The following CUEDC1 variants were observed in gnomAD, a reference collection of about 807,000 sequenced individuals.
CUEDC1 encodes CUE domain containing 1.
A neutral mutation model predicts 43.7 loss-of-function variants in CUEDC1; 30 were observed. The observed-to-expected ratio is 0.69, with a 90% CI of 0.51 to 0.93. CUEDC1 has a LOEUF of 0.93. Ranked by LOEUF, CUEDC1 falls within the 40% of genes least tolerant of loss-of-function variation. The pLI is 0.00. For synonymous variants in CUEDC1, 223 were observed against 223.6 expected, an observed-to-expected ratio of 1.00 and a Z score of 0.02; for missense variants, 486 against 549.0, an observed-to-expected ratio of 0.89 and a Z score of 1.15.
chr17:57,874,085 TG>T (rs1240126215), intron 3 of CUEDC1, among the ~76,000 whole-genome samples: 5 of 152,328 alleles, frequency 3.3e-5, no homozygotes, highest in African/African-American at 9.6e-5. Context: ...ACCTACACAG[TG>T]CCAGGCTCAT....
chr17:57,885,254 T>G lies in CUEDC1; in HGVS notation c.311A>C (p.Asp104Ala), dbSNP rs920412986. ...SSGGVYEDSSDSEDSIPPEIL... is the reference protein window; with the variant it reads ...SSGGVYEDSSASEDSIPPEIL... ...CTCCGGGGGGATGCTGTCCTCCGAGTCGGAGCTGTCCTCATAGACGCCGCC... is the reference window on the plus strand; with the variant it reads ...CTCCGGGGGGATGCTGTCCTCCGAGGCGGAGCTGTCCTCATAGACGCCGCC... Residue 104 changes from aspartate to alanine, a missense_variant, in exon 2 of 11, where the codon GAC (aspartate) becomes GCC (alanine). Coordinates refer to ENST00000577830, the MANE Select transcript of CUEDC1 (RefSeq NM_001271875.2). 6.3e-7 allele frequency: 1 copy of G among 1,589,674 alleles called. No homozygotes were observed. The highest frequency in any genetic ancestry group is 1.3e-5 in the African/African-American group (1 of 74,142).
At chr17:57,905,049 C>A (rs575128416) in intron 1 of CUEDC1, among the ~76,000 whole-genome samples, 3 of 152,256 alleles carry the variant, frequency 2.0e-5, no homozygotes, top group Admixed American at 6.5e-5. Context: ...CTGCCCGGGG[C>A]TCTGCAGAAA....
intron 1 of CUEDC1, among the ~76,000 whole-genome samples, chr17:57,896,772 T>TC (rs1207266535): frequency 7.1e-6 from 1 of 139,954 alleles, no homozygotes; most frequent in Non-Finnish European, 1.6e-5. Context: ...TCTTTCTTTT[T>TC]TTTTTTTTTT....
At chr17:57,867,476 G>A (rs1219321846) in intron 8 of CUEDC1, 61 bp from the exon 9 acceptor site, 1 of 1,438,666 alleles carries the variant, frequency 7.0e-7, no homozygotes, top group Non-Finnish European at 9.6e-7. Context: ...AGTCCTCCCA[G>A]TCCCACTGAC....
chr17:57,867,791 C>T (rs991706869), intron 8 of CUEDC1, among the ~76,000 whole-genome samples: 1 of 152,312 alleles, frequency 6.6e-6, no homozygotes, highest in African/African-American at 2.4e-5. Flanking sequence ...GAGGAGGACT[C>T]GTGCACCAGT....
Position 57,930,243 on chromosome 17 carries a change from T to G in CUEDC1, c.-316+24982A>C, listed in dbSNP as rs1237835551. Among the ~76,000 whole-genome samples the G allele has an allele frequency of 6.6e-6, 1 of 152,188 alleles. No individual in the cohort carries two copies. The highest frequency in any genetic ancestry group is 1.5e-5 in the Non-Finnish European group (1 of 68,036). ...CGCTGCTGGTCTAGGGACCTGACTT[T>G]GGGTAGCAAGTCTCCAACTGCACAA... On this transcript the variant is annotated intron_variant, in intron 1 of 10. Transcript: ENST00000577830. This position sits in a 1 kb window ranked among gnomAD's most constrained non-coding sequence, Gnocchi z 4.2.
At chr17:57,865,923 A>G (rs1383237623) in intron 10 of CUEDC1, among the ~76,000 whole-genome samples, 1 of 151,716 alleles carries the variant, frequency 6.6e-6, no homozygotes, top group Non-Finnish European at 1.5e-5. Context: ...CCCAGATTCA[A>G]GTGATTCTCC....
chr17:57,948,182 T>C (rs568995996), intron 1 of CUEDC1, among the ~76,000 whole-genome samples: 1 of 152,348 alleles, frequency 6.6e-6, no homozygotes, highest in South Asian at 2.1e-4. Flanking sequence ...CCTAAAACTC[T>C]TCTAGGTGCA....
intron 1 of CUEDC1, among the ~76,000 whole-genome samples, chr17:57,906,869 G>T (rs2074534439): frequency 6.6e-6 from 1 of 151,878 alleles, no homozygotes; most frequent in Non-Finnish European, 1.5e-5. Context: ...CTACTTTGAG[G>T]CTGAGGCAGG....
intron 1 of CUEDC1, among the ~76,000 whole-genome samples, chr17:57,920,594 A>C (rs1286370172): frequency 6.6e-6 from 1 of 151,808 alleles, no homozygotes; most frequent in Non-Finnish European, 1.5e-5. Flanking sequence ...GGAGGAGCCA[A>C]AGAAGGCTTT....
At position 57,872,834 on chromosome 17, in the gene CUEDC1, G is replaced by A. The variant is rs2304942; in HGVS notation, c.613C>T (p.Pro205Ser). 1.2e-4 allele frequency: 190 copies of A among 1,613,444 alleles called. 3 individuals are homozygous for A. The East Asian group carries it at 3.5e-3, about 30-fold the overall frequency. The change falls in exon 5 of 11, where the codon CCT (proline) becomes TCT (serine). Residue 205 changes from proline (P) to serine (S), a missense_variant. By Grantham distance (74) the Pro-to-Ser change is moderately conservative. Transcript: ENST00000577830. Reference sequence around the variant, plus strand: ...GGTGGACATCCCTCTCCACTCCCAGGCTTGGGGCCCCCAGCGTTACCCTGA... The same window carrying A: ...GGTGGACATCCCTCTCCACTCCCAGACTTGGGGCCCCCAGCGTTACCCTGA... ...SIQGNAGGPK[P>S]GSGEGCPPAM...
At chr17:57,875,579 T>TA (rs375044865) in intron 3 of CUEDC1, among the ~76,000 whole-genome samples, 96 of 141,468 alleles carry the variant, frequency 6.8e-4, no homozygotes, top group African/African-American at 9.9e-4. Context: ...GAGACGCAAA[T>TA]AAAAAAAAAA....
At position 57,919,073 on chromosome 17, in the gene CUEDC1, G is replaced by A. The variant is rs188503402; in HGVS notation, c.-315-33194C>T. On this transcript the variant is annotated intron_variant, in intron 1 of 10. Coordinates refer to ENST00000577830, the MANE Select transcript of CUEDC1 (RefSeq NM_001271875.2). ...TCTCCATGTGGGCCAGGCTGGTCTC[G>A]AACTCCTGACTCCAAGTGATCCTCC... Among the ~76,000 whole-genome samples, 1,464 of 152,014 alleles carry A rather than the reference G, an allele frequency of 9.6e-3. 7 individuals carry two copies. The highest frequency in any genetic ancestry group is 0.016 in the Non-Finnish European group (1,068 of 67,986).
intron 4 of CUEDC1, 40 bp downstream of exon 4, chr17:57,873,551 C>T (rs765454155): frequency 1.3e-6 from 2 of 1,506,874 alleles, no homozygotes; most frequent in South Asian, 2.6e-5. Flanking sequence ...AGATGCTGGA[C>T]AAGCAGGTGG....
chr17:57,905,277 C>CATAT (rs1555565850), intron 1 of CUEDC1, among the ~76,000 whole-genome samples: 1 of 151,054 alleles, frequency 6.6e-6, no homozygotes, highest in Non-Finnish European at 1.5e-5. Context: ...CACACACACA[C>CATAT]ACACACACAC....
chr17:57,910,165 T>A (rs906887181), intron 1 of CUEDC1, among the ~76,000 whole-genome samples: 1 of 152,184 alleles, frequency 6.6e-6, no homozygotes, highest in Non-Finnish European at 1.5e-5. Context: ...CCTCCATCCC[T>A]TTCTTTTCCT....
intron 1 of CUEDC1, among the ~76,000 whole-genome samples, chr17:57,915,730 C>T (rs568758469): frequency 9.2e-5 from 14 of 152,214 alleles, no homozygotes; most frequent in Admixed American, 1.3e-4. Flanking sequence ...CTGCTACCCC[C>T]GGCTGTTTGG....
intron 1 of CUEDC1, among the ~76,000 whole-genome samples, chr17:57,893,314 G>A (rs370260197): frequency 1.4e-5 from 2 of 143,714 alleles, no homozygotes; most frequent in African/African-American, 4.9e-5. Context: ...TGAAAGGAAG[G>A]GAAGAGGAGA....
At chr17:57,921,559 C>A (rs1476634393) in intron 1 of CUEDC1, among the ~76,000 whole-genome samples, 1 of 152,194 alleles carries the variant, frequency 6.6e-6, no homozygotes, top group East Asian at 1.9e-4. Context: ...AAAGAAAGGG[C>A]TATTTCTCAA....
Sources: gnomAD v4.1 joint callset for allele counts (sites outside exome capture counted in the v4.1 genomes callset) on GRCh38, gnomAD v4.1.1 for gene constraint, Gnocchi (gnomAD v3.1) non-coding constraint, MANE v1.5 for transcripts, NCBI Gene and HGNC (gene_info 2026-07-23, HGNC 2026-07-21) for gene names.